Variants in STAG1 observed in about 807,000 individuals in gnomAD.
STAG1 encodes STAG1 cohesin complex component, also known as cohesin subunit SA-1.
In STAG1, 26 loss-of-function variants were observed where a neutral mutation model predicts 170.9. The observed-to-expected ratio is 0.15, with a 90% CI of 0.11 to 0.21. The LOEUF (loss-of-function observed/expected upper bound fraction) is 0.21, where lower values mean the gene tolerates loss of function less well. Ranked by LOEUF, STAG1 falls within the 10% of genes least tolerant of loss-of-function variation. STAG1 has a pLI of 1.00. For synonymous variants in STAG1, 514 were observed against 497.7 expected, an observed-to-expected ratio of 1.03 and a Z score of -0.44; for missense variants, 964 against 1,509.5, an observed-to-expected ratio of 0.64 and a Z score of 5.99.
intron 1 of STAG1, among the ~76,000 whole-genome samples, chr3:136,631,998 C>T (rs1940350432): frequency 6.6e-6 from 1 of 151,936 alleles, no homozygotes; most frequent in East Asian, 1.9e-4. Flanking sequence ...AGGGAAAATT[C>T]AAAAGGAAGC....
At chr3:136,424,328 C>CTTT (rs60213699) in intron 16 of STAG1, among the ~76,000 whole-genome samples, 69 of 117,176 alleles carry the variant, frequency 5.9e-4, no homozygotes, top group African/African-American at 2.0e-3. Context: ...ATGGAACGAT[C>CTTT]TTTTTTTTTT....
chr3:136,551,251 GAGAGAGA>G (rs1559874380), intron 5 of STAG1, among the ~76,000 whole-genome samples: 1 of 146,378 alleles, frequency 6.8e-6, no homozygotes, highest in Non-Finnish European at 1.5e-5. Context: ...GAGAGAGAGA[GAGAGAGA>G]GAGGGAGAGC....
At chr3:136,349,977 C>T (rs984134631) in intron 28 of STAG1, among the ~76,000 whole-genome samples, 2 of 151,774 alleles carry the variant, frequency 1.3e-5, no homozygotes, top group Admixed American at 6.6e-5. Context: ...ACAACCCTAT[C>T]CCTACAAAAA....
chr3:136,653,532 C>T (rs980922532), intron 1 of STAG1, among the ~76,000 whole-genome samples: 1 of 152,066 alleles, frequency 6.6e-6, no homozygotes, highest in African/African-American at 2.4e-5. Context: ...TGTGTGCCAG[C>T]CACTATTCTA....
intron 22 of STAG1, among the ~76,000 whole-genome samples, chr3:136,388,470 G>A (rs1257294387): frequency 1.3e-5 from 2 of 152,136 alleles, no homozygotes; most frequent in Non-Finnish European, 2.9e-5. Context: ...CTGGGTTCAA[G>A]CGATTCTGTT....
intron 5 of STAG1, among the ~76,000 whole-genome samples, chr3:136,563,112 G>C (rs1192717161): frequency 6.6e-6 from 1 of 152,150 alleles, no homozygotes; most frequent in Non-Finnish European, 1.5e-5. Flanking sequence ...TTTATCATTT[G>C]TTAAGGTGCT....
chr3:136,467,907 C>T (rs1188051128), intron 12 of STAG1, among the ~76,000 whole-genome samples: 2 of 152,190 alleles, frequency 1.3e-5, no homozygotes, highest in Non-Finnish European at 2.9e-5. Flanking sequence ...TCCTGAATGA[C>T]TAATGGGTAC....
At chr3:136,495,970 CAAA>C (rs35882097) in intron 9 of STAG1, among the ~76,000 whole-genome samples, 2 of 64,092 alleles carry the variant, frequency 3.1e-5, no homozygotes. Flanking sequence ...GACTCCGTCT[CAAA>C]AAAAAAAAAA....
At chr3:136,529,652 G>A (rs1456464280) in intron 6 of STAG1, among the ~76,000 whole-genome samples, 1 of 152,116 alleles carries the variant, frequency 6.6e-6, no homozygotes, top group Non-Finnish European at 1.5e-5. Flanking sequence ...ATGCTCAAGA[G>A]AGTCCTAAAA....
At chr3:136,596,198 T>C (rs751360312) in intron 4 of STAG1, among the ~76,000 whole-genome samples, 1 of 152,308 alleles carries the variant, frequency 6.6e-6, no homozygotes, top group East Asian at 1.9e-4. Context: ...TCAAACAGCA[T>C]TGCATGCTAC....
At chr3:136,581,150 C>A (rs1937583306) in intron 4 of STAG1, among the ~76,000 whole-genome samples, 1 of 152,166 alleles carries the variant, frequency 6.6e-6, no homozygotes, top group African/African-American at 2.4e-5. Flanking sequence ...CAAGCCCAGA[C>A]AAGAACATAA....
Position 136,528,449 on chromosome 3 carries a change from A to G in STAG1, c.472-7032T>C, listed in dbSNP as rs1034930655. On this transcript the variant is annotated intron_variant, in intron 6 of 33. Coordinates refer to ENST00000383202, the MANE Select transcript of STAG1 (RefSeq NM_005862.3). ...ACATGAAAAAGCAAAGAAACTTGACATCTCCAAAGGAATACAATAATTCCC... is the reference window on the plus strand; with the variant it reads ...ACATGAAAAAGCAAAGAAACTTGACGTCTCCAAAGGAATACAATAATTCCC... 4.6e-5 allele frequency among the ~76,000 whole-genome samples: 7 copies of G among 150,648 alleles called. No homozygotes were observed. The East Asian group carries it at 1.4e-3, about 29-fold the overall frequency.
At chr3:136,540,823 A>C (rs1294351570) in intron 6 of STAG1, among the ~76,000 whole-genome samples, 7 of 22,722 alleles carry the variant, frequency 3.1e-4, no homozygotes, top group Admixed American at 1.7e-3. Flanking sequence ...CTGTGTCTCC[A>C]AAAAAAAAAA....
At chr3:136,606,336 C>T (rs1938936778) in intron 3 of STAG1, among the ~76,000 whole-genome samples, 2 of 152,034 alleles carry the variant, frequency 1.3e-5, no homozygotes, top group South Asian at 2.1e-4. Context: ...TCATAGGCGC[C>T]TGTCATCACG....
intron 21 of STAG1, among the ~76,000 whole-genome samples, chr3:136,407,388 C>T (rs949018711): frequency 6.6e-6 from 1 of 152,104 alleles, no homozygotes; most frequent in Admixed American, 6.6e-5. Context: ...TAGATTTATA[C>T]CTAAGTATTT....
At chr3:136,667,098 G>C (rs1040000033) in intron 1 of STAG1, among the ~76,000 whole-genome samples, 1 of 151,678 alleles carries the variant, frequency 6.6e-6, no homozygotes, top group Non-Finnish European at 1.5e-5. Context: ...CTCAATAGGC[G>C]GTCTAAATAA....
At chr3:136,565,254 T>C (rs1328536456) in intron 5 of STAG1, among the ~76,000 whole-genome samples, 1 of 152,022 alleles carries the variant, frequency 6.6e-6, no homozygotes, top group East Asian at 1.9e-4. Context: ...AAAGACAACC[T>C]AGAGAGCGGA....
intron 21 of STAG1, among the ~76,000 whole-genome samples, chr3:136,401,628 T>G (rs1289194647): frequency 2.6e-5 from 4 of 152,078 alleles, no homozygotes; most frequent in Non-Finnish European, 5.9e-5. Flanking sequence ...CCTTTTCAGT[T>G]TTTTTTTGAG....
intron 16 of STAG1, among the ~76,000 whole-genome samples, chr3:136,430,755 A>C (rs1337132742): frequency 6.6e-6 from 1 of 150,766 alleles, no homozygotes; most frequent in East Asian, 1.9e-4. Flanking sequence ...CTTGATTTAA[A>C]TAATTTCATG....
Sources: allele counts gnomAD v4.1 joint callset (sites outside exome capture counted in the v4.1 genomes callset), GRCh38; gene constraint gnomAD v4.1.1; transcripts MANE v1.5; gene names NCBI Gene and HGNC (gene_info 2026-07-23, HGNC 2026-07-21).